The following CALD1 variants were observed in gnomAD, a reference collection of about 807,000 sequenced individuals.
CALD1 encodes caldesmon 1, also known as caldesmon.
In CALD1, 33 loss-of-function variants were observed where a neutral mutation model predicts 99.9. That is an observed-to-expected ratio of 0.33 (90% confidence interval 0.25 to 0.44). The LOEUF (loss-of-function observed/expected upper bound fraction) is 0.44, where lower values mean the gene tolerates loss of function less well. Among genes scored for constraint, CALD1 ranks in the 20% least tolerant of loss-of-function variants. The pLI is 1.00. For synonymous variants in CALD1, 310 were observed against 325.0 expected (o/e 0.95, Z 0.50); for missense variants, 861 against 962.1 (o/e 0.89, Z 1.39).
chr7:134,862,374 T>A lies in CALD1; in HGVS notation c.-41-5319T>A, dbSNP rs138409332. 1.4e-3 allele frequency among the ~76,000 whole-genome samples: 218 copies of A among 152,338 alleles called. 2 individuals are homozygous for A. The highest frequency in any genetic ancestry group is 5.0e-3 in the African/African-American group (208 of 41,572). Reference sequence around the variant, plus strand: ...TGTTACCCAGATAAAGTAAAATTACTTATATTTTAATGGCCCAGCAGAGCT... The same window carrying A: ...TGTTACCCAGATAAAGTAAAATTACATATATTTTAATGGCCCAGCAGAGCT... On this transcript the variant is annotated intron_variant, in intron 2 of 14. Coordinates refer to ENST00000361675, the MANE Select transcript of CALD1 (RefSeq NM_033138.4).
intron 2 of CALD1, chr7:134,844,472 T>A (rs1244556790): frequency 1.3e-5 from 2 of 152,176 alleles, no homozygotes; most frequent in Non-Finnish European, 2.9e-5. Flanking sequence ...AAAGAGGGGA[T>A]TTCCACTTTA....
At chr7:134,716,241 T>C in the CALD1 span, among the ~76,000 whole-genome samples, 5 of 152,314 alleles carry the variant, frequency 3.3e-5, no homozygotes, top group Admixed American at 2.6e-4. Flanking sequence ...GAATGTACCA[T>C]CAGGGGTAGT....
intron 3 of CALD1, among the ~76,000 whole-genome samples, chr7:134,895,310 G>A (rs1046868833): frequency 6.7e-6 from 1 of 149,492 alleles, no homozygotes; most frequent in African/African-American, 2.5e-5. Flanking sequence ...GTGTGTGTGT[G>A]TGTGTGTGTG....
intron 2 of CALD1, among the ~76,000 whole-genome samples, chr7:134,854,076 T>A (rs931843849): frequency 1.3e-5 from 2 of 152,214 alleles, no homozygotes; most frequent in Admixed American, 1.3e-4. Context: ...ATTCCATGGT[T>A]TATATGTGCT....
chr7:134,753,121 A>G (rs1271606028), intron 1 of CALD1, among the ~76,000 whole-genome samples: 3 of 152,040 alleles, frequency 2.0e-5, no homozygotes, highest in Admixed American at 6.6e-5. Context: ...TATTGGGTCC[A>G]TGCTGCAAAA....
chr7:134,910,410 C>T (rs1197741499), intron 3 of CALD1, among the ~76,000 whole-genome samples: 1 of 152,134 alleles, frequency 6.6e-6, no homozygotes, highest in South Asian at 2.1e-4. Flanking sequence ...CTCAGTTTAC[C>T]TAGTTGTACT....
chr7:134,890,008 A>G (rs2132493326), intron 3 of CALD1, among the ~76,000 whole-genome samples: 1 of 152,240 alleles, frequency 6.6e-6, no homozygotes, highest in South Asian at 2.1e-4. Flanking sequence ...TCCTGGGTTC[A>G]AGCAATTCTC....
intron 2 of CALD1, among the ~76,000 whole-genome samples, chr7:134,863,772 G>A (rs1800668492): frequency 6.6e-6 from 1 of 152,114 alleles, no homozygotes; most frequent in South Asian, 2.1e-4. Context: ...TAAAGGAAAC[G>A]AGCCATAAAT....
Position 134,968,337 on chromosome 7 carries a change from C to G in CALD1, c.2377-3C>G, listed in dbSNP as rs1422452344. ...TCAATTTCAAGTTCTCTTCTCTTGGCAGGTTTGAGACAGTTCCAGAAAGAA... is the reference window on the plus strand; with the variant it reads ...TCAATTTCAAGTTCTCTTCTCTTGGGAGGTTTGAGACAGTTCCAGAAAGAA... On this transcript the variant is annotated splice_region_variant and splice_polypyrimidine_tract_variant and intron_variant, in intron 14 of 14. Transcript: ENST00000361675. 2 of 1,613,558 alleles carry G rather than the reference C, an allele frequency of 1.2e-6. No individual in the cohort carries two copies. Among genetic ancestry groups the G allele is most frequent in the African/African-American group, 2.7e-5 (2 of 74,912 alleles).
chr7:134,920,365 G>A (rs1804522982), intron 3 of CALD1: 2 of 221,850 alleles, frequency 9.0e-6, no homozygotes, highest in Non-Finnish European at 1.5e-5. Context: ...TAACCTACAT[G>A]AGGTTTTTAA....
In CALD1 at chr7:134,780,485, C is replaced by CT. The variant is rs976382659; in HGVS notation, c.-130+743dup. Reference sequence around the variant, plus strand: ...CCTACCAAACTATTTTTTAAGAAATCTTTTTTTCTGTTTGAAAGTGTGCCT... The same window carrying CT: ...CCTACCAAACTATTTTTTAAGAAATCTTTTTTTTCTGTTTGAAAGTGTGCCT... On this transcript the variant is annotated intron_variant, in intron 1 of 14. Transcript: ENST00000361675. Among the ~76,000 whole-genome samples, 11 of 152,250 alleles carry CT rather than the reference C, an allele frequency of 7.2e-5. No homozygotes were observed. The Middle Eastern group carries it at 0.017, about 235-fold the overall frequency.
chr7:134,792,611 C>G (rs531493554), intron 1 of CALD1, among the ~76,000 whole-genome samples: 3 of 144,188 alleles, frequency 2.1e-5, no homozygotes, highest in Admixed American at 1.4e-4. Context: ...TATAAAGACA[C>G]CAGTTGTATT....
intron 1 of CALD1, among the ~76,000 whole-genome samples, chr7:134,836,671 T>C (rs1037003717): frequency 6.6e-5 from 10 of 152,236 alleles, no homozygotes; most frequent in African/African-American, 2.2e-4. Context: ...GGGAAACTTA[T>C]CAAACACTGA....
At chr7:134,869,232 G>A (rs1375020461) in intron 3 of CALD1, among the ~76,000 whole-genome samples, 13 of 152,080 alleles carry the variant, frequency 8.5e-5, no homozygotes, top group Admixed American at 1.3e-4. Flanking sequence ...GAATGACACC[G>A]GCAAAAGTGC....
At chr7:134,861,368 A>C (rs1377297) in intron 2 of CALD1, among the ~76,000 whole-genome samples, 100,041 of 152,004 alleles carry the variant, frequency 0.66, 33,399 homozygotes, top group East Asian at 0.94. Flanking sequence ...TGTTGTACCC[A>C]GAAATCACCC....
At chr7:134,829,427 C>G (rs913553852) in intron 1 of CALD1, among the ~76,000 whole-genome samples, 1 of 152,142 alleles carries the variant, frequency 6.6e-6, no homozygotes, top group Non-Finnish European at 1.5e-5. Context: ...TAGTACTATT[C>G]CAACTTTGAC....
intron 1 of CALD1, among the ~76,000 whole-genome samples, chr7:134,806,864 C>G (rs1391438789): frequency 2.0e-5 from 3 of 152,088 alleles, no homozygotes; most frequent in African/African-American, 7.2e-5. Context: ...GTAGTTTTTC[C>G]TGTCACAACA....
intron 3 of CALD1, among the ~76,000 whole-genome samples, chr7:134,907,282 C>T (rs1803458737): frequency 1.3e-5 from 2 of 152,208 alleles, no homozygotes; most frequent in South Asian, 4.2e-4. Context: ...CCAGGTTTAA[C>T]TGTTGGTTGG....
At chr7:134,779,538 G>A (rs943525273), upstream of CALD1, 2 of 394,996 alleles carry the variant, frequency 5.1e-6, no homozygotes, top group Non-Finnish European at 8.9e-6. Flanking sequence ...GCATACCACC[G>A]CCTCCCGACT....
Sources: gnomAD v4.1 joint callset for allele counts (sites outside exome capture counted in the v4.1 genomes callset) on GRCh38, gnomAD v4.1.1 for gene constraint, MANE v1.5 for transcripts, NCBI Gene and HGNC (gene_info 2026-07-23, HGNC 2026-07-21) for gene names.